DPP10: variants seen among roughly 807,000 people sequenced by gnomAD.
DPP10 encodes the protein dipeptidyl peptidase like 10.
In DPP10, 33 loss-of-function variants were observed where a neutral mutation model predicts 120.9. That is an observed-to-expected ratio of 0.27 (90% CI 0.21 to 0.37). The LOEUF (loss-of-function observed/expected upper bound fraction) is 0.37, where lower values mean the gene tolerates loss of function less well. Ranked by LOEUF, DPP10 falls within the 10% of genes least tolerant of loss-of-function variation. The probability of loss-of-function intolerance (pLI) is 1.00; values close to 1 mark genes in which losing one functional copy is unlikely to be tolerated. For missense variants in DPP10, 816 were observed against 942.8 expected, an observed-to-expected ratio of 0.87 and a Z score of 1.76; for synonymous variants, 337 against 326.1, an observed-to-expected ratio of 1.03 and a Z score of -0.36.
chr2:114,551,307 C>G (rs1687867849), intron 1 of DPP10, among the ~76,000 whole-genome samples: 1 of 152,036 alleles, frequency 6.6e-6, no homozygotes. Flanking sequence ...ATGCCCGCTG[C>G]CCCCCTGCCT....
chr2:114,932,136 T>C (rs1391339340), intron 1 of DPP10, among the ~76,000 whole-genome samples: 1 of 152,178 alleles, frequency 6.6e-6, no homozygotes, highest in Non-Finnish European at 1.5e-5. Context: ...ACATCGGAAA[T>C]GCAATTTTAG....
chr2:115,437,349 A>C (rs1043193702), intron 3 of DPP10, among the ~76,000 whole-genome samples: 1 of 152,054 alleles, frequency 6.6e-6, no homozygotes, highest in Admixed American at 6.6e-5. Context: ...ATATTTGCCT[A>C]TTTCTAACTT....
At chr2:115,819,494 C>T (rs547503761) in intron 21 of DPP10, among the ~76,000 whole-genome samples, 9 of 152,202 alleles carry the variant, frequency 5.9e-5, no homozygotes, top group African/African-American at 2.2e-4. Context: ...ATTGCTCTTG[C>T]TCTCCCTTTT....
intron 1 of DPP10, among the ~76,000 whole-genome samples, chr2:114,797,987 A>T (rs1198171683): frequency 6.6e-6 from 1 of 152,202 alleles, no homozygotes; most frequent in African/African-American, 2.4e-5. Context: ...TCATTCTGTG[A>T]ACTTCCCCTT....
chr2:115,841,108 T>C (rs919090908), intron 25 of DPP10, among the ~76,000 whole-genome samples: 3 of 152,110 alleles, frequency 2.0e-5, no homozygotes, highest in African/African-American at 7.2e-5. Context: ...CTACTTCCCT[T>C]CTTGTTCCTT....
intron 5 of DPP10, among the ~76,000 whole-genome samples, chr2:115,677,264 A>T (rs905639830): frequency 3.9e-5 from 6 of 152,218 alleles, no homozygotes; most frequent in Non-Finnish European, 7.3e-5. Flanking sequence ...CCTCACTGGT[A>T]GAACAGATAA....
chr2:114,506,663 C>T (rs926445153), intron 1 of DPP10, among the ~76,000 whole-genome samples: 5 of 152,150 alleles, frequency 3.3e-5, no homozygotes, highest in African/African-American at 1.2e-4. Flanking sequence ...CCCAAAAACA[C>T]TCATCCTGGC....
chr2:114,757,472 G>A (rs1217003639), intron 1 of DPP10, among the ~76,000 whole-genome samples: 1 of 152,050 alleles, frequency 6.6e-6, no homozygotes, highest in Non-Finnish European at 1.5e-5. Context: ...GATTCAATTA[G>A]TTTGCATACC....
At chr2:115,316,189 T>C (rs2061783229) in intron 2 of DPP10, among the ~76,000 whole-genome samples, 1 of 152,192 alleles carries the variant, frequency 6.6e-6, no homozygotes, top group African/African-American at 2.4e-5. Context: ...ATACTATTCA[T>C]TTATTTACAT....
chr2:115,462,168 C>G (rs2074026474), intron 3 of DPP10, among the ~76,000 whole-genome samples: 1 of 152,158 alleles, frequency 6.6e-6, no homozygotes, highest in Non-Finnish European at 1.5e-5. Context: ...GATACCGTCA[C>G]TTACCAGTCA....
chr2:115,601,085 T>G (rs926014648), intron 5 of DPP10, among the ~76,000 whole-genome samples: 1 of 152,226 alleles, frequency 6.6e-6, no homozygotes, highest in African/African-American at 2.4e-5. Flanking sequence ...GAGACTAGAA[T>G]CATTATTCAG....
intron 1 of DPP10, among the ~76,000 whole-genome samples, chr2:114,627,839 G>A (rs1031739297): frequency 6.6e-6 from 1 of 152,012 alleles, no homozygotes; most frequent in Admixed American, 6.6e-5. Context: ...GACTATCTTG[G>A]GATTGGCATT....
chr2:115,167,151 G>A (rs1403160218), intron 1 of DPP10, among the ~76,000 whole-genome samples: 2 of 151,598 alleles, frequency 1.3e-5, no homozygotes, highest in African/African-American at 4.9e-5. Flanking sequence ...TTAGATGTTT[G>A]TTCTAACGGT....
In DPP10 at chr2:115,746,201, C is replaced by G. The variant is rs1017188356; in HGVS notation, c.950+18C>G. 1.3e-6 allele frequency: 2 copies of G among 1,579,648 alleles called. No homozygotes were observed. The highest frequency in any genetic ancestry group is 2.7e-5 in the African/African-American group (2 of 74,174). ...AAATCAAGGTATGCAATTTCAATTTCACTTTTATGGGGAAATAGATATTTT... is the reference window on the plus strand; with the variant it reads ...AAATCAAGGTATGCAATTTCAATTTGACTTTTATGGGGAAATAGATATTTT... On this transcript the variant is annotated intron_variant, in intron 10 of 25. Coordinates refer to ENST00000410059, the MANE Select transcript of DPP10 (RefSeq NM_020868.6).
At chr2:115,404,735 T>C (rs1419210168) in intron 3 of DPP10, among the ~76,000 whole-genome samples, 1 of 152,126 alleles carries the variant, frequency 6.6e-6, no homozygotes, top group African/African-American at 2.4e-5. Flanking sequence ...TACTTCATCA[T>C]GACATGGAAG....
chr2:114,773,036 A>C (rs1262156563), intron 1 of DPP10, among the ~76,000 whole-genome samples: 1 of 152,228 alleles, frequency 6.6e-6, no homozygotes, highest in Non-Finnish European at 1.5e-5. Flanking sequence ...TTTCTTATCT[A>C]TAAAATGAAA....
At chr2:115,780,011 G>A (rs1195817415) in intron 15 of DPP10, among the ~76,000 whole-genome samples, 5 of 151,852 alleles carry the variant, frequency 3.3e-5, no homozygotes, top group South Asian at 2.1e-4. Context: ...CAAAATCAAC[G>A]TGAATATTGT....
At chr2:115,534,100 T>G in intron 5 of DPP10, among the ~76,000 whole-genome samples, 1 of 139,956 alleles carries the variant, frequency 7.1e-6, no homozygotes, top group African/African-American at 3.0e-5. Context: ...TATTTATTTT[T>G]TTATTTTTTA....
At chr2:115,102,309 C>T (rs1433022806) in intron 1 of DPP10, among the ~76,000 whole-genome samples, 2 of 152,172 alleles carry the variant, frequency 1.3e-5, no homozygotes, top group Admixed American at 1.3e-4. Flanking sequence ...GCCTCACCTC[C>T]AAATACCATC....
Sources: allele counts gnomAD v4.1 joint callset (sites outside exome capture counted in the v4.1 genomes callset), GRCh38; gene constraint gnomAD v4.1.1; transcripts MANE v1.5; gene names NCBI Gene and HGNC (gene_info 2026-07-23, HGNC 2026-07-21).